SGCG: variants seen among roughly 807,000 people sequenced by gnomAD.
The protein encoded by SGCG is sarcoglycan gamma, also known as gamma-sarcoglycan.
A neutral mutation model predicts 29.3 loss-of-function variants in SGCG; 26 were observed. The ratio of observed to expected loss-of-function variants is 0.89; its 90% CI spans 0.65 to 1.23. The LOEUF (loss-of-function observed/expected upper bound fraction) is 1.23. Among genes scored for constraint, SGCG ranks in the 50% most tolerant of loss-of-function variants. The pLI is 0.00. For synonymous variants in SGCG, 145 were observed against 129.7 expected, an observed-to-expected ratio of 1.12 and a Z score of -0.80; for missense variants, 353 against 356.0, an observed-to-expected ratio of 0.99 and a Z score of 0.07.
chr13:23,317,756 T>G (rs1388647775), intron 6 of SGCG, among the ~76,000 whole-genome samples: 1 of 152,168 alleles, frequency 6.6e-6, no homozygotes, highest in Non-Finnish European at 1.5e-5. Flanking sequence ...CTTATTATCT[T>G]TATTTGAAGA....
intron 5 of SGCG, among the ~76,000 whole-genome samples, chr13:23,284,335 C>T (rs1443312755): frequency 1.3e-5 from 2 of 152,074 alleles, no homozygotes; most frequent in Non-Finnish European, 2.9e-5. Flanking sequence ...ATCTTGTCTT[C>T]ATGCTTTATT....
chr13:23,173,190 G>C, the SGCG span, among the ~76,000 whole-genome samples: 21 of 152,220 alleles, frequency 1.4e-4, no homozygotes, highest in African/African-American at 4.8e-4. Flanking sequence ...ACCAGGTAGC[G>C]CTGGGAAATC....
chr13:23,185,620 T>G (rs1876940792), intron 1 of SGCG, among the ~76,000 whole-genome samples: 1 of 151,976 alleles, frequency 6.6e-6, no homozygotes, highest in East Asian at 1.9e-4. Flanking sequence ...AAAAAATCCC[T>G]GTAGGACAGC....
rs201675668 is a variant in SGCG at position 23,265,228 on chromosome 13, T to C, written c.386-14131T>C. On this transcript the variant is annotated intron_variant, in intron 4 of 7. Coordinates refer to ENST00000218867, the MANE Select transcript of SGCG (RefSeq NM_000231.3). ...TTTTTAAAAAAGTTAATATCTGGAA[T>C]CTACGAGGAAATAAAACAGATCAGC... Among the ~76,000 whole-genome samples, 3 of 151,832 alleles carry C rather than the reference T, an allele frequency of 2.0e-5. No homozygotes were observed. The East Asian group carries it at 5.8e-4, about 29-fold the overall frequency.
At chr13:23,175,164 G>C in the SGCG span, among the ~76,000 whole-genome samples, 1 of 152,222 alleles carries the variant, frequency 6.6e-6, no homozygotes, top group South Asian at 2.1e-4. Context: ...ATGAAAACCT[G>C]CGTGAACAAA....
intron 3 of SGCG, among the ~76,000 whole-genome samples, chr13:23,235,814 G>A (rs369561770): frequency 6.0e-4 from 92 of 152,260 alleles, no homozygotes; most frequent in African/African-American, 2.2e-3. Flanking sequence ...TAACTGCAGA[G>A]GCTGTACCAG....
chr13:23,193,134 CGG>C (rs1877345542), intron 1 of SGCG, among the ~76,000 whole-genome samples: 2 of 152,154 alleles, frequency 1.3e-5, no homozygotes, highest in Non-Finnish European at 2.9e-5. Flanking sequence ...TGGTATGGAC[CGG>C]TTTTCCCGGC....
chr13:23,214,105 A>G (rs995378515), intron 2 of SGCG, among the ~76,000 whole-genome samples: 1 of 152,134 alleles, frequency 6.6e-6, no homozygotes, highest in African/African-American at 2.4e-5. Flanking sequence ...GGGCCTTCAG[A>G]CCTCTCAAAG....
intron 4 of SGCG, chr13:23,267,624 T>G (rs1266072014): frequency 6.6e-6 from 1 of 152,310 alleles, no homozygotes; most frequent in African/African-American, 2.4e-5. Context: ...ATCAAGAATA[T>G]AAATGTAAAA....
chr13:23,314,914 G>A (rs762760110), intron 6 of SGCG, among the ~76,000 whole-genome samples: 6 of 152,088 alleles, frequency 3.9e-5, no homozygotes, highest in African/African-American at 1.2e-4. Flanking sequence ...GTGTTACTTC[G>A]GCCCATTTAT....
At chr13:23,175,474 A>C in the SGCG span, among the ~76,000 whole-genome samples, 1 of 152,222 alleles carries the variant, frequency 6.6e-6, no homozygotes, top group African/African-American at 2.4e-5. Context: ...TCATTGCCCA[A>C]GAAATCTATA....
chr13:23,226,617 T>G (rs1878909177), intron 2 of SGCG, among the ~76,000 whole-genome samples: 1 of 152,188 alleles, frequency 6.6e-6, no homozygotes, highest in Non-Finnish European at 1.5e-5. Flanking sequence ...AAACTTATAT[T>G]TAAAGGCAAA....
rs544414698 is a variant in SGCG, at chr13:23,279,365, A to G, written c.392A>G (p.Lys131Arg). The G allele has an allele frequency of 9.9e-6, 16 of 1,612,956 alleles. No individual in the cohort carries two copies. Among genetic ancestry groups the G allele is most frequent in the Middle Eastern group, 3.3e-4 (2 of 6,052 alleles). The part of the protein sequence containing the change: ...EVTGRLKVGP[K>R]MVEVQNQQFQ... ...AACTGTTTTAATTCTTCAGGTCCCA[A>G]AATGGTAGAAGTCCAGAATCAACAG... The change falls in exon 5 of 8, where the codon AAA becomes AGA. Residue 131 changes from lysine to arginine, a missense_variant. Transcript: ENST00000218867.
intron 1 of SGCG, among the ~76,000 whole-genome samples, chr13:23,188,480 ATTT>A (rs71218545): frequency 1.3e-4 from 16 of 120,462 alleles, no homozygotes; most frequent in East Asian, 9.4e-4. Context: ...CGCCTGCCTA[ATTT>A]TTTTTTTTTT....
At chr13:23,165,697 G>A in the SGCG span, among the ~76,000 whole-genome samples, 1 of 148,434 alleles carries the variant, frequency 6.7e-6, no homozygotes, top group Non-Finnish European at 1.5e-5. Flanking sequence ...GCTAATTTTT[G>A]TATTTTTTTA....
Position 23,234,651 on chromosome 13 carries a change from G to A in SGCG, c.236G>A (p.Arg79His), listed in dbSNP as rs375766013. The A allele has an allele frequency of 2.1e-5, 34 of 1,612,672 alleles. 1 individual carries two copies. The highest frequency in any genetic ancestry group is 6.7e-5 in the Admixed American group (4 of 59,960). Residue 79 changes from arginine to histidine, a missense_variant, in exon 3 of 8, where the codon CGC (arginine) becomes CAC (histidine). Arg to His is a conservative substitution (Grantham distance 29). Transcript: ENST00000218867. ...GHLCVTKDGL[R>H]LEGESEFLFP... is the part of the protein sequence containing the mutation. ...TTGTGTGTAACAAAAGATGGACTGCGCTTGGAAGGGGAATCAGAATTTTTA... is the reference window on the plus strand; with the variant it reads ...TTGTGTGTAACAAAAGATGGACTGCACTTGGAAGGGGAATCAGAATTTTTA...
chr13:23,298,269 T>C (rs979101599), intron 6 of SGCG, among the ~76,000 whole-genome samples: 4 of 152,048 alleles, frequency 2.6e-5, no homozygotes, highest in African/African-American at 7.2e-5. Context: ...GGCATGAGAA[T>C]TGCTTGAACC....
intron 2 of SGCG, among the ~76,000 whole-genome samples, chr13:23,217,957 A>G (rs369833485): frequency 2.6e-5 from 4 of 152,290 alleles, no homozygotes; most frequent in Non-Finnish European, 4.4e-5. Flanking sequence ...CCAAGAACAT[A>G]CTACCAGAAG....
Position 23,203,789 on chromosome 13 carries a change from G to A in SGCG, c.95G>A (p.Arg32Lys), listed in dbSNP as rs1264019792. The change falls in exon 2 of 8, where the codon AGA (arginine) becomes AAA (lysine). Residue 32 changes from arginine (R) to lysine (K), a missense_variant. Transcript: ENST00000218867. ...YVYKIGIYGWRKRCLYLFVLL... is the reference protein window; with the variant it reads ...YVYKIGIYGWKKRCLYLFVLL... ...TACAAAATTGGCATTTATGGCTGGAGAAAGCGCTGTCTCTACTTGTTTGTT... is the reference window on the plus strand; with the variant it reads ...TACAAAATTGGCATTTATGGCTGGAAAAAGCGCTGTCTCTACTTGTTTGTT... 1.2e-6 allele frequency: 2 copies of A among 1,613,964 alleles called. No individual in the cohort carries two copies. Among genetic ancestry groups the A allele is most frequent in the Non-Finnish European group, 1.7e-6 (2 of 1,179,806 alleles).
Sources: gnomAD v4.1 joint callset for allele counts (sites outside exome capture counted in the v4.1 genomes callset) on GRCh38, gnomAD v4.1.1 for gene constraint, MANE v1.5 for transcripts, NCBI Gene and HGNC (gene_info 2026-07-23, HGNC 2026-07-21) for gene names.